Variants in STK40 observed in about 807,000 individuals in gnomAD.
STK40 encodes serine/threonine-protein kinase 40.
Under a neutral mutation model 47.9 loss-of-function variants are expected in STK40, and 13 were observed. The observed-to-expected ratio is 0.27, with a 90% confidence interval of 0.18 to 0.43. STK40 has a LOEUF of 0.43. Ranked by LOEUF, STK40 falls within the 20% of genes least tolerant of loss-of-function variation. The probability of loss-of-function intolerance (pLI) is 1.00; values close to 1 mark genes in which losing one functional copy is unlikely to be tolerated. For missense variants in STK40, 460 were observed against 595.1 expected, an observed-to-expected ratio of 0.77 and a Z score of 2.36; for synonymous variants, 225 against 243.2, an observed-to-expected ratio of 0.93 and a Z score of 0.69.
chr1:36,346,641 A>G (rs1273303353), intron 7 of STK40, among the ~76,000 whole-genome samples: 1 of 152,264 alleles, frequency 6.6e-6, no homozygotes, highest in Non-Finnish European at 1.5e-5. Context: ...ATGAGAACCC[A>G]GGTCTCTGGT....
At position 36,341,438 on chromosome 1, in the gene STK40, A is replaced by T; in HGVS notation, c.*317T>A. 1 of 297,464 alleles carries T rather than the reference A, an allele frequency of 3.4e-6. No homozygotes were observed. 18.4% of individuals were successfully genotyped at this position (297,464 alleles called of 1,614,324 possible). A position where few individuals can be genotyped will look rare whatever the true frequency, so the allele number is the denominator to read the frequency against. On this transcript the variant is annotated 3_prime_UTR_variant, in exon 11 of 11. Coordinates refer to ENST00000373132, the MANE Select transcript of STK40 (RefSeq NM_001282547.2). ...GGGAAGGCCCTGGAGTGGGGTGAGC[A>T]GGCTCCCTCCTCCCTCTTGCTCAGT...
chr1:36,357,438 C>G (rs1442998279), intron 4 of STK40, among the ~76,000 whole-genome samples: 7 of 152,210 alleles, frequency 4.6e-5, no homozygotes, highest in Admixed American at 4.6e-4. Context: ...CCCAGTCATT[C>G]TGAACCCAAC....
intron 6 of STK40, among the ~76,000 whole-genome samples, chr1:36,351,617 A>C (rs1166320673): frequency 6.6e-6 from 1 of 152,188 alleles, no homozygotes; most frequent in African/African-American, 2.4e-5. Context: ...CAACCAGGAC[A>C]CTGGGTATGA....
At chr1:36,381,847 C>T (rs1372973600) in intron 1 of STK40, among the ~76,000 whole-genome samples, 2 of 152,248 alleles carry the variant, frequency 1.3e-5, no homozygotes, top group East Asian at 3.9e-4. Context: ...CATCCTAGAG[C>T]TCGATCACTT....
At chr1:36,354,275 TGAG>T (rs1557510671) in intron 6 of STK40, 86 bp downstream of exon 6, 1 of 1,429,912 alleles carries the variant, frequency 7.0e-7, no homozygotes, top group East Asian at 2.3e-5. Flanking sequence ...GGAATCCTCA[TGAG>T]GACACTTCAG....
chr1:36,345,209 C>T (rs1441889331), intron 7 of STK40, among the ~76,000 whole-genome samples: 3 of 152,236 alleles, frequency 2.0e-5, no homozygotes, highest in African/African-American at 7.2e-5. Flanking sequence ...GCAGCCTGGA[C>T]CCCAGAACAC....
intron 9 of STK40, 95 bp from the exon 10 acceptor site, chr1:36,343,543 T>A (rs976322136): frequency 1.6e-6 from 2 of 1,218,148 alleles, no homozygotes; most frequent in Middle Eastern, 1.9e-4. Flanking sequence ...GTTGTGTTCC[T>A]GCCATGAGAG....
chr1:36,378,284 G>A (rs1647008983), intron 1 of STK40, among the ~76,000 whole-genome samples: 1 of 152,172 alleles, frequency 6.6e-6, no homozygotes, highest in Admixed American at 6.5e-5. Context: ...GGGCTTTAGA[G>A]TCACACAAAT....
At chr1:36,359,139 G>C (rs965799010) in intron 2 of STK40, among the ~76,000 whole-genome samples, 6 of 152,208 alleles carry the variant, frequency 3.9e-5, no homozygotes, top group Admixed American at 2.0e-4. Context: ...GGGTGTGGTG[G>C]CTCACACCTG....
At chr1:36,384,448 C>G (rs534725123) in intron 1 of STK40, among the ~76,000 whole-genome samples, 1 of 152,320 alleles carries the variant, frequency 6.6e-6, no homozygotes, top group South Asian at 2.1e-4. Flanking sequence ...TATTACGTGG[C>G]AAACATGGTT....
chr1:36,342,260 A>T (rs1359483658), intron 10 of STK40: 1 of 449,224 alleles, frequency 2.2e-6, no homozygotes, highest in Non-Finnish European at 4.1e-6. Flanking sequence ...TTACCTCAGA[A>T]GCCTTAGCTG....
chr1:36,351,887 T>C (rs1201599421), intron 6 of STK40, among the ~76,000 whole-genome samples: 4 of 152,232 alleles, frequency 2.6e-5, no homozygotes, highest in Non-Finnish European at 5.9e-5. Flanking sequence ...GAATGGCTGC[T>C]GTGGAAGGTC....
intron 1 of STK40, among the ~76,000 whole-genome samples, chr1:36,370,920 A>G (rs1553138592): frequency 6.7e-6 from 1 of 148,984 alleles, no homozygotes; most frequent in African/African-American, 2.5e-5. Context: ...TCTGTCACCC[A>G]GGCTGGAGTG....
chr1:36,351,394 C>T (rs146465323), intron 6 of STK40, among the ~76,000 whole-genome samples: 1 of 152,064 alleles, frequency 6.6e-6, no homozygotes, highest in African/African-American at 2.4e-5. Flanking sequence ...TGGGAAGGGG[C>T]TGGAGTGGGC....
intron 1 of STK40, among the ~76,000 whole-genome samples, chr1:36,379,680 TG>T (rs1279460553): frequency 2.6e-5 from 4 of 152,112 alleles, no homozygotes; most frequent in Non-Finnish European, 5.9e-5. Context: ...GCGCCCGGCC[TG>T]GGTTGTAGCC....
intron 1 of STK40, 52 bp from the exon 2 acceptor site, chr1:36,361,392 T>TA: frequency 6.2e-7 from 1 of 1,608,944 alleles, no homozygotes; most frequent in South Asian, 1.1e-5. Context: ...CGAGTTTCCT[T>TA]ATGCTAACCC....
At chr1:36,359,087 G>C (rs1312955813) in intron 2 of STK40, among the ~76,000 whole-genome samples, 1 of 152,126 alleles carries the variant, frequency 6.6e-6, no homozygotes, top group African/African-American at 2.4e-5. Flanking sequence ...GTGCACGCTG[G>C]AATGTCTAGT....
intron 7 of STK40, among the ~76,000 whole-genome samples, chr1:36,345,992 T>TATATATATATATATA (rs1553135170): frequency 1.0e-4 from 2 of 19,510 alleles, no homozygotes; most frequent in African/African-American, 1.7e-4. Context: ...TATATATATA[T>TATATATATATATATA]TTTTTTTTTT....
intron 10 of STK40, 51 bp downstream of exon 10, chr1:36,343,313 A>AAGCCTGTCC: frequency 6.3e-7 from 1 of 1,575,790 alleles, no homozygotes; most frequent in Non-Finnish European, 8.7e-7. Flanking sequence ...CTGCCCCCAG[A>AAGCCTGTCC]AGCCTGTCCC....
Sources: gnomAD v4.1 joint callset for allele counts (sites outside exome capture counted in the v4.1 genomes callset) on GRCh38, gnomAD v4.1.1 for gene constraint, MANE v1.5 for transcripts, NCBI Gene and HGNC (gene_info 2026-07-23, HGNC 2026-07-21) for gene names.